GPC5: variants seen among roughly 807,000 people sequenced by gnomAD.
GPC5 encodes the protein glypican-5.
Under a neutral mutation model 53.9 loss-of-function variants are expected in GPC5, and 47 were observed. The observed-to-expected ratio is 0.87, with a 90% confidence interval of 0.69 to 1.11. The LOEUF (loss-of-function observed/expected upper bound fraction) is 1.11. Among genes scored for constraint, GPC5 ranks in the 50% most tolerant of loss-of-function variants. GPC5 has a pLI of 0.00. For missense variants in GPC5, 748 were observed against 713.1 expected (o/e 1.05, Z -0.56); for synonymous variants, 286 against 263.3 (o/e 1.09, Z -0.84).
chr13:91,480,057 CT>C (rs1171249634), intron 2 of GPC5, among the ~76,000 whole-genome samples: 4 of 152,246 alleles, frequency 2.6e-5, no homozygotes, highest in Non-Finnish European at 5.9e-5. Context: ...AGACTAGAAT[CT>C]CTGTGCTTTT....
chr13:91,923,743 T>A (rs2139020845), intron 6 of GPC5, among the ~76,000 whole-genome samples: 1 of 152,284 alleles, frequency 6.6e-6, no homozygotes, highest in South Asian at 2.1e-4. Flanking sequence ...AGATCATTTT[T>A]AAATTATATA....
intron 7 of GPC5, among the ~76,000 whole-genome samples, chr13:92,862,723 C>T (rs1879223160): frequency 1.3e-5 from 2 of 152,116 alleles, no homozygotes; most frequent in Admixed American, 6.5e-5. Flanking sequence ...TGTATATTCA[C>T]TCTCCAGCAC....
chr13:91,926,586 A>G (rs1180675006), intron 6 of GPC5, among the ~76,000 whole-genome samples: 3 of 152,104 alleles, frequency 2.0e-5, no homozygotes, highest in Non-Finnish European at 4.4e-5. Flanking sequence ...AAAATTCAGG[A>G]GTGCAACCTG....
chr13:92,268,605 TA>T (rs568062400), intron 7 of GPC5, among the ~76,000 whole-genome samples: 1 of 151,974 alleles, frequency 6.6e-6, no homozygotes, highest in African/African-American at 2.4e-5. Context: ...TACACGCTCA[TA>T]AAAAACTTTG....
intron 2 of GPC5, among the ~76,000 whole-genome samples, chr13:91,481,657 C>G (rs909284080): frequency 6.6e-6 from 1 of 152,258 alleles, no homozygotes; most frequent in East Asian, 1.9e-4. Flanking sequence ...TAAATTGCTT[C>G]TACTTAATTA....
chr13:92,338,841 C>T (rs1404810132), intron 7 of GPC5, among the ~76,000 whole-genome samples: 1 of 151,974 alleles, frequency 6.6e-6, no homozygotes, highest in Non-Finnish European at 1.5e-5. Context: ...TTGTGCAGAC[C>T]TAAAGAATGT....
In GPC5 at chr13:92,371,617, A is replaced by G. The variant is rs140047329; in HGVS notation, c.1561+226628A>G. On this transcript the variant is annotated intron_variant, in intron 7 of 7. Coordinates refer to ENST00000377067, the MANE Select transcript of GPC5 (RefSeq NM_004466.6). ...TTATGATCATGGTGGAAGGTGAGAG[A>G]GAAGCAACGCATCTTCTTCACAAGG... is the stretch of plus-strand genomic sequence containing the variant. Among the ~76,000 whole-genome samples, 1,138 of 152,304 alleles carry G rather than the reference A, an allele frequency of 7.5e-3. 10 individuals carry two copies. Among genetic ancestry groups the G allele is most frequent in the African/African-American group, 0.026 (1,069 of 41,562 alleles).
In GPC5 at chr13:91,847,780, G is replaced by A. The variant is rs2038868616; in HGVS notation, c.1281-60157G>A. Among the ~76,000 whole-genome samples the A allele has an allele frequency of 3.9e-5, 6 of 152,246 alleles. No individual in the cohort carries two copies. The South Asian group carries it at 6.2e-4, about 16-fold the overall frequency. ...TACATCTCCTGGTTACTTGATCTCT[G>A]AGATTAGTTTCTAAAGTTAGACATA... is the stretch of plus-strand genomic sequence containing the variant. On this transcript the variant is annotated intron_variant, in intron 5 of 7. Coordinates refer to ENST00000377067, the MANE Select transcript of GPC5 (RefSeq NM_004466.6).
rs1566361975 is a variant in GPC5 at position 91,398,927 on chromosome 13, C to A, written c.-120C>A. 2 of 1,341,340 alleles carry A rather than the reference C, an allele frequency of 1.5e-6. No individual in the cohort carries two copies. Among genetic ancestry groups the A allele is most frequent in the East Asian group, 2.6e-5 (1 of 38,372 alleles). 83.1% of individuals were successfully genotyped at this position (1,341,340 alleles called of 1,614,324 possible). On this transcript the variant is annotated 5_prime_UTR_variant, in exon 1 of 8. Transcript: ENST00000377067. ...GTGCCCGCGGGCGGTCCGTACACCC[C>A]GCAGCCGGCTCGCACCGCTCGAGAG... is the stretch of plus-strand genomic sequence containing the variant.
chr13:91,940,461 G>C (rs1423367888), intron 6 of GPC5, among the ~76,000 whole-genome samples: 1 of 152,202 alleles, frequency 6.6e-6, no homozygotes, highest in South Asian at 2.1e-4. Context: ...ATGTATAAGT[G>C]CATGTGTCCT....
chr13:91,751,083 G>A lies in GPC5; in HGVS notation c.1155-5212G>A, dbSNP rs972741071. ...ATCCCTGGTTCTACTATTTATCAGT[G>A]CAACTGCATTTTGCAACACTTCTCA... On this transcript the variant is annotated intron_variant, in intron 4 of 7. Transcript: ENST00000377067. Among the ~76,000 whole-genome samples the A allele has an allele frequency of 3.3e-5, 5 of 152,036 alleles. No individual in the cohort carries two copies. The South Asian group carries it at 8.3e-4, about 25-fold the overall frequency.
intron 7 of GPC5, among the ~76,000 whole-genome samples, chr13:92,570,255 A>G (rs1185831954): frequency 1.3e-5 from 2 of 152,152 alleles, no homozygotes; most frequent in African/African-American, 2.4e-5. Context: ...TATAATTTCT[A>G]AGTCAATTCA....
At chr13:92,797,151 T>C (rs1876714430) in intron 7 of GPC5, among the ~76,000 whole-genome samples, 1 of 151,930 alleles carries the variant, frequency 6.6e-6, no homozygotes, top group African/African-American at 2.4e-5. Context: ...ACAGAGAAAT[T>C]GTATAAAGCT....
chr13:92,346,269 C>A (rs769746192), intron 7 of GPC5, among the ~76,000 whole-genome samples: 32 of 152,136 alleles, frequency 2.1e-4, no homozygotes, highest in Non-Finnish European at 3.8e-4. Flanking sequence ...CAGAGCACAG[C>A]CCTTAGCCCT....
At chr13:91,778,903 T>C (rs541122442) in intron 5 of GPC5, among the ~76,000 whole-genome samples, 64 of 152,362 alleles carry the variant, frequency 4.2e-4, no homozygotes, top group African/African-American at 1.5e-3. Flanking sequence ...CTAAGCCTAT[T>C]GCTACTAGGC....
chr13:92,069,287 T>G (rs1303771961), intron 6 of GPC5, among the ~76,000 whole-genome samples: 1 of 152,120 alleles, frequency 6.6e-6, no homozygotes, highest in Non-Finnish European at 1.5e-5. Flanking sequence ...ATTTTCTGTT[T>G]CAAGATTATT....
chr13:92,679,806 T>C (rs530375544), intron 7 of GPC5, among the ~76,000 whole-genome samples: 1 of 152,118 alleles, frequency 6.6e-6, no homozygotes, highest in African/African-American at 2.4e-5. Context: ...GTGAAAGAGC[T>C]CTCTCTCATG....
chr13:91,571,828 T>TACACACACATACGTGTGTGTATATATAC lies in GPC5; in HGVS notation c.326-121354_326-121353insCACATACGTGTGTGTATATATACACACA, dbSNP rs768975728. ...ACACACACATACGTGTGTGTATATA[T>TACACACACATACGTGTGTGTATATATAC]ACACATATACTTGTGTGTATATACA... is the stretch of plus-strand genomic sequence containing the variant. On this transcript the variant is annotated intron_variant, in intron 2 of 7. Transcript: ENST00000377067. Among the ~76,000 whole-genome samples, 7 of 64,852 alleles carry TACACACACATACGTGTGTGTATATATAC rather than the reference T, an allele frequency of 1.1e-4. 1 individual carries two copies. The highest frequency in any genetic ancestry group is 1.7e-4 in the African/African-American group (1 of 6,056). 42.5% of individuals were successfully genotyped at this position (64,852 alleles called of 152,430 possible).
intron 7 of GPC5, among the ~76,000 whole-genome samples, 195 bp downstream of exon 7, chr13:92,145,184 A>AATGAAATG: frequency 6.6e-6 from 1 of 152,278 alleles, no homozygotes; most frequent in East Asian, 1.9e-4. Flanking sequence ...AATGACTTCT[A>AATGAAATG]ATGAAATGAT....
Sources: allele counts gnomAD v4.1 joint callset (sites outside exome capture counted in the v4.1 genomes callset), GRCh38; gene constraint gnomAD v4.1.1; transcripts MANE v1.5; gene names NCBI Gene and HGNC (gene_info 2026-07-23, HGNC 2026-07-21).